Variants in SYNJ2BP observed in about 807,000 individuals in gnomAD.
SYNJ2BP encodes synaptojanin-2-binding protein.
SYNJ2BP carries 10 observed loss-of-function variants against 16.9 expected under a neutral mutation model. The ratio of observed to expected loss-of-function variants is 0.59; its 90% confidence interval spans 0.36 to 1.00. SYNJ2BP has a LOEUF of 1.00. SYNJ2BP is among the 50% of genes least tolerant of loss of function. The probability of loss-of-function intolerance (pLI) is 0.01; values close to 1 mark genes in which losing one functional copy is unlikely to be tolerated. For missense variants in SYNJ2BP, 162 were observed against 186.7 expected (o/e 0.87, Z 0.77); for synonymous variants, 54 against 68.4 (o/e 0.79, Z 1.04).
intron 2 of SYNJ2BP, among the ~76,000 whole-genome samples, chr14:70,382,980 A>C (rs1260721747): frequency 6.6e-6 from 1 of 152,230 alleles, no homozygotes; most frequent in Non-Finnish European, 1.5e-5. Context: ...TTTAATACGC[A>C]ATAGATGTGA....
At chr14:70,413,944 C>T (rs890706823) in intron 1 of SYNJ2BP, among the ~76,000 whole-genome samples, 4 of 152,126 alleles carry the variant, frequency 2.6e-5, no homozygotes, top group Non-Finnish European at 5.9e-5. Flanking sequence ...ATGCTGCCTA[C>T]AAAAGAAATG....
chr14:70,410,226 G>T (rs1888441700), intron 1 of SYNJ2BP, among the ~76,000 whole-genome samples: 1 of 152,096 alleles, frequency 6.6e-6, no homozygotes, highest in South Asian at 2.1e-4. Context: ...ACCAGCCTGG[G>T]CAACATGGTG....
chr14:70,416,247 A>T (rs1161235237), intron 1 of SYNJ2BP, among the ~76,000 whole-genome samples: 1 of 152,144 alleles, frequency 6.6e-6, no homozygotes, highest in Non-Finnish European at 1.5e-5. Context: ...AAAATAAATA[A>T]ATAAATAAAA....
intron 1 of SYNJ2BP, among the ~76,000 whole-genome samples, chr14:70,409,239 G>A (rs926740195): frequency 6.6e-6 from 1 of 152,082 alleles, no homozygotes; most frequent in Non-Finnish European, 1.5e-5. Context: ...CTTAAAAATG[G>A]GGATCATTTC....
At chr14:70,379,255 C>T (rs958997975) in intron 2 of SYNJ2BP, among the ~76,000 whole-genome samples, 1 of 152,152 alleles carries the variant, frequency 6.6e-6, no homozygotes, top group South Asian at 2.1e-4. Flanking sequence ...TCTGTTACTA[C>T]CACTTTACTG....
At chr14:70,378,787 A>C (rs565350484) in intron 2 of SYNJ2BP, among the ~76,000 whole-genome samples, 1 of 152,284 alleles carries the variant, frequency 6.6e-6, no homozygotes, top group Admixed American at 6.5e-5. Context: ...AAGAGAAAAA[A>C]TTAAGCTGCA....
At chr14:70,383,998 C>T (rs185642397) in intron 2 of SYNJ2BP, among the ~76,000 whole-genome samples, 7 of 150,960 alleles carry the variant, frequency 4.6e-5, no homozygotes, top group African/African-American at 1.5e-4. Flanking sequence ...TGCTCCATTG[C>T]CCAGGCTGGA....
chr14:70,390,579 A>T (rs1349176237), intron 1 of SYNJ2BP, among the ~76,000 whole-genome samples: 1 of 151,882 alleles, frequency 6.6e-6, no homozygotes, highest in Non-Finnish European at 1.5e-5. Context: ...GAGGCAGGAG[A>T]ATGGCGTGAA....
rs1209441215 is a variant in SYNJ2BP, at chr14:70,367,915, C to T, written c.*5076G>A. 6.6e-6 allele frequency: 1 copy of T among 152,126 alleles called. No individual in the cohort carries two copies. The highest frequency in any genetic ancestry group is 1.5e-5 in the Non-Finnish European group (1 of 68,022). The allele number at this position is 152,126 out of a possible 1,614,324, so 9.4% of individuals were successfully genotyped here. ...GTTATTTATCTCTCTATCTTCGGCA[C>T]CTAGCACATAGTAGGCAGTCATTAG... On this transcript the variant is annotated 3_prime_UTR_variant, in exon 4 of 4. Coordinates refer to ENST00000256366, the MANE Select transcript of SYNJ2BP (RefSeq NM_018373.3).
intron 2 of SYNJ2BP, among the ~76,000 whole-genome samples, chr14:70,377,134 A>G (rs1187620439): frequency 2.6e-5 from 4 of 152,050 alleles, no homozygotes; most frequent in Non-Finnish European, 5.9e-5. Flanking sequence ...CCTGACAACA[A>G]TTTCCACTCT....
Position 70,372,901 on chromosome 14 carries a change from G to A in SYNJ2BP, c.*90C>T. 1 of 1,561,772 alleles carries A rather than the reference G, an allele frequency of 6.4e-7. No individual in the cohort carries two copies. Among genetic ancestry groups the A allele is most frequent in the Non-Finnish European group, 8.7e-7 (1 of 1,155,856 alleles). On this transcript the variant is annotated 3_prime_UTR_variant, in exon 4 of 4. Coordinates refer to ENST00000256366, the MANE Select transcript of SYNJ2BP (RefSeq NM_018373.3). ...TATCAGTCACTTCAAATCTGGCTAT[G>A]CAGAGAGAGGGAAAGACATGGCAGA...
chr14:70,399,596 C>T (rs999594197), intron 1 of SYNJ2BP, among the ~76,000 whole-genome samples: 6 of 152,348 alleles, frequency 3.9e-5, no homozygotes, highest in Non-Finnish European at 5.9e-5. Flanking sequence ...TTGCTGCTCC[C>T]GCAGCCACTC....
At chr14:70,399,648 T>C (rs1888192136) in intron 1 of SYNJ2BP, among the ~76,000 whole-genome samples, 1 of 150,414 alleles carries the variant, frequency 6.6e-6, no homozygotes, top group South Asian at 2.1e-4. Context: ...GCCAGTGTGA[T>C]GGCACTGCCA....
At chr14:70,395,040 T>C (rs964736615) in intron 1 of SYNJ2BP, among the ~76,000 whole-genome samples, 2 of 152,222 alleles carry the variant, frequency 1.3e-5, no homozygotes, top group African/African-American at 4.8e-5. Flanking sequence ...CTTCTAAGCA[T>C]TGCTGGCTAT....
intron 2 of SYNJ2BP, 64 bp downstream of exon 2, chr14:70,388,406 G>A: frequency 7.1e-7 from 1 of 1,412,304 alleles, no homozygotes; most frequent in Non-Finnish European, 9.3e-7. Flanking sequence ...AAAGGGATAG[G>A]GAGGGGTAGG....
At chr14:70,382,563 G>GT (rs1470528784) in intron 2 of SYNJ2BP, among the ~76,000 whole-genome samples, 8 of 152,150 alleles carry the variant, frequency 5.3e-5, no homozygotes, top group African/African-American at 1.9e-4. Flanking sequence ...AAGCTCCCAG[G>GT]TGATGGCCAG....
intron 1 of SYNJ2BP, among the ~76,000 whole-genome samples, chr14:70,404,554 G>A (rs1386128208): frequency 2.0e-5 from 3 of 152,080 alleles, no homozygotes; most frequent in African/African-American, 7.2e-5. Flanking sequence ...AGATTGAGAA[G>A]GTTATCTTTC....
chr14:70,412,788 C>T (rs1435923654), intron 1 of SYNJ2BP, among the ~76,000 whole-genome samples: 3 of 151,964 alleles, frequency 2.0e-5, no homozygotes, highest in Non-Finnish European at 2.9e-5. Context: ...CTTGCTGAAA[C>T]CCATTGAGGA....
intron 1 of SYNJ2BP, among the ~76,000 whole-genome samples, chr14:70,394,376 G>T (rs1411908629): frequency 6.6e-6 from 1 of 151,714 alleles, no homozygotes; most frequent in Non-Finnish European, 1.5e-5. Context: ...GGAGCTAAAG[G>T]GTATAATTAA....
Sources: gnomAD v4.1 joint callset for allele counts (sites outside exome capture counted in the v4.1 genomes callset) on GRCh38, gnomAD v4.1.1 for gene constraint, MANE v1.5 for transcripts, NCBI Gene and HGNC (gene_info 2026-07-23, HGNC 2026-07-21) for gene names.